Variants in PBLD observed in about 807,000 individuals in gnomAD.
PBLD encodes the protein phenazine biosynthesis like protein domain containing.
Under a neutral mutation model 31.3 loss-of-function variants are expected in PBLD, and 26 were observed. The observed-to-expected ratio is 0.83, with a 90% CI of 0.61 to 1.15. PBLD has a LOEUF of 1.15. PBLD is among the 50% of genes most tolerant of loss of function. The pLI, the probability that PBLD is intolerant of heterozygous loss-of-function variation, is 0.00. For missense variants in PBLD, 307 were observed against 351.7 expected (o/e 0.87, Z 1.02); for synonymous variants, 114 against 129.0 (o/e 0.88, Z 0.79).
chr10:68,318,488 G>A (rs1333415253), intron 1 of PBLD, among the ~76,000 whole-genome samples: 2 of 148,730 alleles, frequency 1.3e-5, no homozygotes, highest in East Asian at 3.9e-4. Flanking sequence ...TCATGCCACT[G>A]CACTGTAGCC....
chr10:68,310,514 G>A (rs1412580974), intron 1 of PBLD, among the ~76,000 whole-genome samples: 1 of 149,450 alleles, frequency 6.7e-6, no homozygotes, highest in Non-Finnish European at 1.5e-5. Flanking sequence ...ATTAACTATA[G>A]TCATGATGCT....
At position 68,309,863 on chromosome 10, in the gene PBLD, C is replaced by T. The variant is rs1033049792; in HGVS notation, c.-59-2960G>A. ...AAAATATAAATATGTAGGCCAGGCACGGCGGCTCACACCTGTCATCCCAAC... is the reference window on the plus strand; with the variant it reads ...AAAATATAAATATGTAGGCCAGGCATGGCGGCTCACACCTGTCATCCCAAC... On this transcript the variant is annotated intron_variant, in intron 1 of 9. Coordinates refer to ENST00000358769, the MANE Select transcript of PBLD (RefSeq NM_022129.4). 3.4e-5 allele frequency among the ~76,000 whole-genome samples: 5 copies of T among 148,494 alleles called. 1 individual carries two copies. In the East Asian group the frequency reaches 8.4e-4, roughly 25 times the overall value.
chr10:68,308,845 G>GGTGTGTGTGTGTGTGTGTGTGTGT lies in PBLD; in HGVS notation c.-59-1966_-59-1943dup, dbSNP rs374363010. ...GTGCCCCACTGCACCTGACCTGCAT[G>GGTGTGTGTGTGTGTGTGTGTGTGT]GTGTGTGTGTGTGTGTGTGTGTGTG... On this transcript the variant is annotated intron_variant, in intron 1 of 9. Transcript: ENST00000358769. Among the ~76,000 whole-genome samples the GGTGTGTGTGTGTGTGTGTGTGTGT allele has an allele frequency of 5.1e-4, 66 of 130,376 alleles. 1 individual carries two copies. The highest frequency in any genetic ancestry group is 8.1e-4 in the East Asian group (3 of 3,722). The allele number at this position is 130,376 out of a possible 152,430, so 85.5% of individuals were successfully genotyped here.
intron 5 of PBLD, 42 bp downstream of exon 5, chr10:68,292,087 T>C (rs1474096221): frequency 1.3e-6 from 2 of 1,599,198 alleles, no homozygotes; most frequent in Non-Finnish European, 1.7e-6. Context: ...AGGAGAGCTG[T>C]CGGTTGTAGA....
intron 6 of PBLD, among the ~76,000 whole-genome samples, 160 bp downstream of exon 6, chr10:68,291,850 T>C (rs912898070): frequency 6.6e-6 from 1 of 152,190 alleles, no homozygotes; most frequent in African/African-American, 2.4e-5. Flanking sequence ...GGAAAACTGG[T>C]CAACCTTCTC....
At chr10:68,318,524 T>A (rs201118793) in intron 1 of PBLD, among the ~76,000 whole-genome samples, 1,647 of 139,538 alleles carry the variant, frequency 0.012, 29 homozygotes, top group African/African-American at 0.04. Flanking sequence ...CTGTCTCTTT[T>A]AAAAAAAAAA....
intron 1 of PBLD, among the ~76,000 whole-genome samples, chr10:68,330,961 C>T (rs557746097): frequency 2.6e-5 from 4 of 152,262 alleles, no homozygotes; most frequent in African/African-American, 9.6e-5. Flanking sequence ...CACAAGCCAT[C>T]CTTTTGCCCA....
chr10:68,321,418 G>C (rs2044833728), intron 1 of PBLD, among the ~76,000 whole-genome samples: 1 of 152,080 alleles, frequency 6.6e-6, no homozygotes, highest in Admixed American at 6.6e-5. Context: ...TTCTCCTCAA[G>C]AGCACATGAA....
At chr10:68,316,574 C>T (rs982533857) in intron 1 of PBLD, among the ~76,000 whole-genome samples, 9 of 151,994 alleles carry the variant, frequency 5.9e-5, no homozygotes, top group African/African-American at 2.2e-4. Context: ...AGAAATTACT[C>T]GAAGAAATAA....
intron 1 of PBLD, chr10:68,331,393 G>C (rs887842035): frequency 6.6e-6 from 1 of 152,306 alleles, no homozygotes; most frequent in East Asian, 1.9e-4. Context: ...AGGATTTGCA[G>C]AGAGAACGGT....
At chr10:68,298,116 A>G (rs2044455715) in intron 2 of PBLD, among the ~76,000 whole-genome samples, 1 of 152,104 alleles carries the variant, frequency 6.6e-6, no homozygotes, top group Non-Finnish European at 1.5e-5. Flanking sequence ...TTAGCCAGGC[A>G]TGGTGGTGCT....
chr10:68,291,910 A>G (rs766788549), intron 6 of PBLD, 100 bp downstream of exon 6: 175 of 1,283,118 alleles, frequency 1.4e-4, no homozygotes, highest in Non-Finnish European at 1.9e-4. Context: ...TGTAACATTT[A>G]TATTGGTAAA....
At chr10:68,288,449 G>T (rs1230704986) in intron 8 of PBLD, 34 bp downstream of exon 8, 7 of 1,602,902 alleles carry the variant, frequency 4.4e-6, no homozygotes, top group Admixed American at 1.7e-5. Context: ...CTCTTCCATT[G>T]TTTAACCCTC....
chr10:68,309,424 AAAG>A (rs2044630762), intron 1 of PBLD, among the ~76,000 whole-genome samples: 1 of 143,002 alleles, frequency 7.0e-6, no homozygotes, highest in Non-Finnish European at 1.5e-5. Context: ...AAAAAAAAAA[AAAG>A]AACCCACTTC....
At chr10:68,284,712 A>G (rs10998052) in intron 9 of PBLD, among the ~76,000 whole-genome samples, 8,431 of 152,278 alleles carry the variant, frequency 0.055, 274 homozygotes, top group African/African-American at 0.083. Flanking sequence ...TCAGCTCTGA[A>G]TAGGACAGAG....
chr10:68,309,189 T>G (rs1360071248), intron 1 of PBLD, among the ~76,000 whole-genome samples: 1 of 147,564 alleles, frequency 6.8e-6, no homozygotes, highest in Non-Finnish European at 1.5e-5. Context: ...GCAGATCACT[T>G]GAGGTCAGGA....
At chr10:68,307,472 A>C (rs1220670573) in intron 1 of PBLD, among the ~76,000 whole-genome samples, 1 of 151,950 alleles carries the variant, frequency 6.6e-6, no homozygotes, top group East Asian at 1.9e-4. Context: ...GAGTAGCCAG[A>C]ACTAGCTTAG....
chr10:68,298,470 T>A (rs567839131), intron 2 of PBLD, among the ~76,000 whole-genome samples: 81 of 152,038 alleles, frequency 5.3e-4, no homozygotes, highest in African/African-American at 1.7e-3. Context: ...CTAAAAAAAT[T>A]TTTTTTTACA....
At chr10:68,313,513 C>A (rs939302232) in intron 1 of PBLD, among the ~76,000 whole-genome samples, 1 of 152,160 alleles carries the variant, frequency 6.6e-6, no homozygotes, top group African/African-American at 2.4e-5. Flanking sequence ...CAAACACCGC[C>A]TTTGTTAAAA....
Sources: allele counts gnomAD v4.1 joint callset (sites outside exome capture counted in the v4.1 genomes callset), GRCh38; gene constraint gnomAD v4.1.1; transcripts MANE v1.5; gene names NCBI Gene and HGNC (gene_info 2026-07-23, HGNC 2026-07-21).